Variants in PPIE observed in about 807,000 individuals in gnomAD.
The protein encoded by PPIE is peptidylprolyl isomerase E.
In PPIE, 20 loss-of-function variants were observed where a neutral mutation model predicts 38.4. The observed-to-expected ratio is 0.52, with a 90% confidence interval of 0.37 to 0.76. The LOEUF is 0.76. Among genes scored for constraint, PPIE ranks in the 30% least tolerant of loss-of-function variants. The pLI is 0.00. For synonymous variants in PPIE, 142 were observed against 135.7 expected, an observed-to-expected ratio of 1.05 and a Z score of -0.32; for missense variants, 322 against 385.8, an observed-to-expected ratio of 0.83 and a Z score of 1.39.
intron 8 of PPIE, among the ~76,000 whole-genome samples, chr1:39,751,652 GC>G (rs1247489273): frequency 3.3e-5 from 5 of 152,046 alleles, no homozygotes; most frequent in Non-Finnish European, 7.3e-5. Flanking sequence ...TAGCCACTGC[GC>G]CCAGCCTCTA....
chr1:39,750,694 T>C (rs1647631950), intron 8 of PPIE, among the ~76,000 whole-genome samples: 1 of 152,198 alleles, frequency 6.6e-6, no homozygotes, highest in African/African-American at 2.4e-5. Flanking sequence ...CTGCCTCTTC[T>C]TGTCTCCTTT....
At chr1:39,762,713 G>T (rs1649164148) in intron 9 of PPIE, 2 of 1,458,974 alleles carry the variant, frequency 1.4e-6, no homozygotes, top group Non-Finnish European at 1.8e-6. Context: ...GGTCAGACTT[G>T]CCAGCGTACT....
rs760940629 is a variant in PPIE at position 39,749,011 on chromosome 1, A to G, written c.617A>G (p.His206Arg). The G allele has an allele frequency of 2.2e-5, 36 of 1,612,412 alleles. No homozygotes were observed. The highest frequency in any genetic ancestry group is 2.9e-5 in the Non-Finnish European group (34 of 1,179,642). The stretch of plus-strand genomic sequence containing the variant: ...TGCCAGGGCGGTGATTTCACAAACC[A>G]CAATGGCACTGGGGGCAAGTCCATC... ...FMCQGGDFTN[H>R]NGTGGKSIYG... is the part of the protein sequence containing the mutation. Residue 206 changes from histidine to arginine, a missense_variant, in exon 8 of 10, where the codon CAC becomes CGC. Physicochemically the swap from His to Arg is conservative, Grantham distance 29. Coordinates refer to ENST00000324379, the MANE Select transcript of PPIE (RefSeq NM_006112.4).
chr1:39,743,700 T>C, intron 5 of PPIE, 124 bp from the exon 6 acceptor site: 1 of 719,372 alleles, frequency 1.4e-6, no homozygotes, highest in South Asian at 1.8e-5. Context: ...CCCCTGGGAG[T>C]TCTCAGTGGG....
Position 39,756,265 on chromosome 1 carries a change from G to C in PPIE, c.*2910G>C. ...GAGCAAAGCGGCTTTCCCTGGGACTGTGTGGCTCCTGTCCCAACTGGCCTC... is the reference window on the plus strand; with the variant it reads ...GAGCAAAGCGGCTTTCCCTGGGACTCTGTGGCTCCTGTCCCAACTGGCCTC... On this transcript the variant is annotated 3_prime_UTR_variant, in exon 10 of 10. Transcript: ENST00000324379. 1 of 985,476 alleles carries C rather than the reference G, an allele frequency of 1.0e-6. No homozygotes were observed. Among genetic ancestry groups the C allele is most frequent in the Non-Finnish European group, 1.2e-6 (1 of 829,934 alleles). 61.0% of individuals were successfully genotyped at this position (985,476 alleles called of 1,614,324 possible).
intron 8 of PPIE, among the ~76,000 whole-genome samples, chr1:39,751,833 C>A (rs1647763514): frequency 6.6e-6 from 1 of 152,156 alleles, no homozygotes; most frequent in Admixed American, 6.5e-5. Flanking sequence ...GCCTGTAATC[C>A]CAACACTTTG....
intron 6 of PPIE, among the ~76,000 whole-genome samples, chr1:39,744,666 C>A (rs1647149344): frequency 6.6e-6 from 1 of 152,224 alleles, no homozygotes; most frequent in African/African-American, 2.4e-5. Context: ...AAAATGGATT[C>A]TCCCGCTTCT....
At chr1:39,762,305 G>A (rs1471751511) in intron 9 of PPIE, 1 of 521,994 alleles carries the variant, frequency 1.9e-6, no homozygotes, top group East Asian at 3.5e-5. Context: ...GGGCTCGTGT[G>A]CTGCGATTAC....
chr1:39,742,603 TGTTACATTTCTTTCTACCAA>T (rs908231540), intron 4 of PPIE: 3 of 151,346 alleles, frequency 2.0e-5, no homozygotes, highest in South Asian at 2.1e-4. Context: ...CTGGGCTACC[TGTTACATTTCTTTCTACCAA>T]GTTACATTTC....
At position 39,753,400 on chromosome 1, in the gene PPIE, T is replaced by A. The variant is rs1027318826; in HGVS notation, c.*45T>A. 2 of 1,600,964 alleles carry A rather than the reference T, an allele frequency of 1.2e-6. No individual in the cohort carries two copies. Among genetic ancestry groups the A allele is most frequent in the African/African-American group, 1.3e-5 (1 of 74,734 alleles). ...CCCCCTCCGCTCTTGACCCTGCATA[T>A]CCAGGAAGGAACTGCCAGCCTCAGA... On this transcript the variant is annotated 3_prime_UTR_variant, in exon 10 of 10. Transcript: ENST00000324379.
chr1:39,743,421 A>G, intron 5 of PPIE, 124 bp downstream of exon 5: 1 of 821,274 alleles, frequency 1.2e-6, no homozygotes. Flanking sequence ...GGAGTAGATG[A>G]TGGTTCACAT....
At chr1:39,753,173 C>T (rs1647926933) in intron 9 of PPIE, 114 bp from the exon 10 acceptor site, 9 of 1,584,352 alleles carry the variant, frequency 5.7e-6, no homozygotes, top group Non-Finnish European at 1.7e-6. Flanking sequence ...GCGGGAGGGG[C>T]TGCTGCTGCC....
Position 39,755,405 on chromosome 1 carries a change from T to C in PPIE, c.*2050T>C. ...ACTTTGTGAGCTCCAGCTGCTACAG[T>C]TGACTGAGTTCAGGCTCCATGTAGC... On this transcript the variant is annotated 3_prime_UTR_variant, in exon 10 of 10. Transcript: ENST00000324379. The C allele has an allele frequency of 2.0e-6, 2 of 985,426 alleles. No individual in the cohort carries two copies. The highest frequency in any genetic ancestry group is 2.4e-6 in the Non-Finnish European group (2 of 829,920). The allele number at this position is 985,426 out of a possible 1,614,324, so 61.0% of individuals were successfully genotyped here.
chr1:39,754,563 A>C lies in PPIE; in HGVS notation c.*1208A>C, dbSNP rs992074605. Among the ~76,000 whole-genome samples, 22 of 152,174 alleles carry C rather than the reference A, an allele frequency of 1.4e-4. No homozygotes were observed. Among genetic ancestry groups the C allele is most frequent in the African/African-American group, 5.1e-4 (21 of 41,426 alleles). On this transcript the variant is annotated 3_prime_UTR_variant, in exon 10 of 10. Transcript: ENST00000324379. ...TTACTCTCTACTGACTTAAATATTA[A>C]TCCATCTAAAAAATAGGCCAGGCAT...
intron 9 of PPIE, chr1:39,762,331 A>G (rs1276151335): frequency 1.9e-5 from 13 of 684,762 alleles, no homozygotes; most frequent in South Asian, 8.0e-5. Context: ...GAGCCACCGC[A>G]CCTGATCAAG....
intron 9 of PPIE, chr1:39,763,088 T>G: frequency 6.2e-7 from 1 of 1,613,434 alleles, no homozygotes; most frequent in Non-Finnish European, 8.5e-7. Context: ...GGCATGGTAC[T>G]GACCAGGGAC....
At position 39,743,302 on chromosome 1, in the gene PPIE, G is replaced by A; in HGVS notation, c.283+5G>A. On this transcript the variant is annotated splice_donor_5th_base_variant and intron_variant, in intron 5 of 9. Transcript: ENST00000324379. ...AGGAAGGCTCTTCCAGGCCAGGTGA[G>A]TAGGAGCAACTTCCAGATTCCCTGT... 1 of 1,613,340 alleles carries A rather than the reference G, an allele frequency of 6.2e-7. No individual in the cohort carries two copies. The highest frequency in any genetic ancestry group is 8.5e-7 in the Non-Finnish European group (1 of 1,179,250).
chr1:39,760,526 C>T, downstream of PPIE: 2 of 1,614,052 alleles, frequency 1.2e-6, no homozygotes, highest in Non-Finnish European at 1.7e-6. Flanking sequence ...TTGGTGGGTG[C>T]ACAGCACGCC....
intron 7 of PPIE, 95 bp from the exon 8 acceptor site, chr1:39,748,808 A>C: frequency 8.5e-7 from 1 of 1,180,054 alleles, no homozygotes; most frequent in East Asian, 2.5e-5. Flanking sequence ...CTCTTATTTT[A>C]AAACAAAAAT....
Sources: gnomAD v4.1 joint callset for allele counts (sites outside exome capture counted in the v4.1 genomes callset) on GRCh38, gnomAD v4.1.1 for gene constraint, MANE v1.5 for transcripts, NCBI Gene and HGNC (gene_info 2026-07-23, HGNC 2026-07-21) for gene names.